C9: variants seen among roughly 807,000 people sequenced by gnomAD.
C9 encodes complement C9.
Under a neutral mutation model 65.4 loss-of-function variants are expected in C9, and 63 were observed. The observed-to-expected ratio is 0.96, with a 90% CI of 0.79 to 1.19. The LOEUF (loss-of-function observed/expected upper bound fraction) is 1.19, where lower values mean the gene tolerates loss of function less well. Among genes scored for constraint, C9 ranks in the 50% most tolerant of loss-of-function variants. The pLI, the probability that C9 is intolerant of heterozygous loss-of-function variation, is 0.00. For missense variants in C9, 744 were observed against 670.1 expected, an observed-to-expected ratio of 1.11 and a Z score of -1.22; for synonymous variants, 229 against 227.9, an observed-to-expected ratio of 1.00 and a Z score of -0.04.
intron 9 of C9, among the ~76,000 whole-genome samples, chr5:39,293,873 G>C (rs751642716): frequency 1.3e-5 from 2 of 151,828 alleles, no homozygotes; most frequent in Non-Finnish European, 2.9e-5. Context: ...AGACCACATG[G>C]AATAAAACCA....
chr5:39,358,970 G>A (rs1754461464), intron 1 of C9, among the ~76,000 whole-genome samples: 1 of 150,162 alleles, frequency 6.7e-6, no homozygotes, highest in Non-Finnish European at 1.5e-5. Context: ...GGGTGGCAGA[G>A]CGAGACTCCA....
At chr5:39,359,020 ATATAT>A (rs1490215925) in intron 1 of C9, among the ~76,000 whole-genome samples, 10 of 9,134 alleles carry the variant, frequency 1.1e-3, no homozygotes, top group Non-Finnish European at 1.8e-3. Context: ...AATAAAAAAT[ATATAT>A]ATATATATAT....
intron 4 of C9, among the ~76,000 whole-genome samples, chr5:39,339,791 C>G (rs1328771338): frequency 1.3e-5 from 2 of 151,040 alleles, no homozygotes; most frequent in African/African-American, 2.4e-5. Context: ...TCCCAAGTAG[C>G]TGGGACTACA....
intron 9 of C9, among the ~76,000 whole-genome samples, chr5:39,296,801 A>C (rs1347978910): frequency 1.3e-5 from 2 of 151,616 alleles, no homozygotes; most frequent in Non-Finnish European, 1.5e-5. Flanking sequence ...ATGGAACTGG[A>C]GGATATTATG....
At chr5:39,286,131 A>G (rs192339755) in intron 10 of C9, among the ~76,000 whole-genome samples, 1 of 152,222 alleles carries the variant, frequency 6.6e-6, no homozygotes, top group African/African-American at 2.4e-5. Flanking sequence ...TCTATGAAAC[A>G]CAACATATGG....
chr5:39,284,427 G>A lies in C9; in HGVS notation c.*772C>T, dbSNP rs1342803775. ...AACTCATAAGGCTAGGTATTAAGTT[G>A]GACTATATAAAATTGATGTTTTTTC... On this transcript the variant is annotated 3_prime_UTR_variant, in exon 11 of 11. Transcript: ENST00000263408. 1.3e-5 allele frequency: 2 copies of A among 151,840 alleles called. No homozygotes were observed. Among genetic ancestry groups the A allele is most frequent in the African/African-American group, 4.8e-5 (2 of 41,336 alleles). 9.4% of individuals were successfully genotyped at this position (151,840 alleles called of 1,614,324 possible).
At position 39,308,281 on chromosome 5, in the gene C9, C is replaced by A. The variant is rs758290425; in HGVS notation, c.1189G>T (p.Gly397Ter). ...VSLAFSEISV[G>*]AEFNKDDCVK... ...CAATCATCTTTATTAAATTCAGCTC[C>A]AACAGAGATTTCAGAGAAAGCCAGA... Residue 397 changes from glycine (G) to a stop codon, truncating the protein, a stop_gained, in exon 8 of 11, where the codon GGA becomes TGA. Coordinates refer to ENST00000263408, the MANE Select transcript of C9 (RefSeq NM_001737.5). LOFTEE classifies it high-confidence loss of function. 6.2e-7 allele frequency: 1 copy of A among 1,612,186 alleles called. No homozygotes were observed. Among genetic ancestry groups the A allele is most frequent in the Non-Finnish European group, 8.5e-7 (1 of 1,178,344 alleles).
intron 1 of C9, among the ~76,000 whole-genome samples, chr5:39,357,634 A>G (rs1358144450): frequency 2.0e-5 from 3 of 152,232 alleles, no homozygotes; most frequent in African/African-American, 7.2e-5. Context: ...AAAACAAAGC[A>G]GACCGGGTAA....
At chr5:39,340,772 G>T (rs1446197098) in intron 4 of C9, among the ~76,000 whole-genome samples, 1 of 152,128 alleles carries the variant, frequency 6.6e-6, no homozygotes, top group Admixed American at 6.5e-5. Context: ...GCAAATATTT[G>T]AATTGAATTG....
intron 8 of C9, 31 bp from the exon 9 acceptor site, chr5:39,306,823 CAGA>C (rs754804045): frequency 5.2e-6 from 8 of 1,539,354 alleles, no homozygotes; most frequent in African/African-American, 4.1e-5. Context: ...TAAAGAGAAG[CAGA>C]AGAAGTTTAA....
chr5:39,316,037 A>G lies in C9; in HGVS notation c.616-8T>C. 2 of 1,606,774 alleles carry G rather than the reference A, an allele frequency of 1.2e-6. No individual in the cohort carries two copies. The highest frequency in any genetic ancestry group is 1.7e-6 in the Non-Finnish European group (2 of 1,174,896). On this transcript the variant is annotated splice_region_variant and splice_polypyrimidine_tract_variant and intron_variant, in intron 5 of 10. Transcript: ENST00000263408. ...ATTTTTCTCGCCTTTGGTCTAAAAG[A>G]GAATAAAAAAGTGTTGTTAAAAACA...
At chr5:39,351,858 C>G (rs766902394) in intron 1 of C9, among the ~76,000 whole-genome samples, 1 of 152,144 alleles carries the variant, frequency 6.6e-6, no homozygotes, top group African/African-American at 2.4e-5. Context: ...CAACCTCTGC[C>G]TGTTACCCAG....
At chr5:39,352,813 C>A (rs1378649581) in intron 1 of C9, among the ~76,000 whole-genome samples, 1 of 151,902 alleles carries the variant, frequency 6.6e-6, no homozygotes, top group Non-Finnish European at 1.5e-5. Flanking sequence ...AGCTTCCCAC[C>A]ACTCTTGTGA....
chr5:39,304,520 A>T (rs1753339738), intron 9 of C9, among the ~76,000 whole-genome samples: 1 of 152,174 alleles, frequency 6.6e-6, no homozygotes, highest in Admixed American at 6.6e-5. Context: ...AATAACTTGG[A>T]ATCTAATTCA....
At chr5:39,322,960 A>G (rs2111911794) in intron 5 of C9, among the ~76,000 whole-genome samples, 1 of 152,222 alleles carries the variant, frequency 6.6e-6, no homozygotes, top group Admixed American at 6.5e-5. Flanking sequence ...CCTGGGACCA[A>G]TTCCTCATAG....
At chr5:39,292,014 G>T (rs1753105981) in intron 9 of C9, among the ~76,000 whole-genome samples, 1 of 151,772 alleles carries the variant, frequency 6.6e-6, no homozygotes, top group African/African-American at 2.4e-5. Flanking sequence ...GAGGTTATAA[G>T]AAGGGGTTGA....
At chr5:39,322,732 C>T (rs887372705) in intron 5 of C9, among the ~76,000 whole-genome samples, 1 of 152,084 alleles carries the variant, frequency 6.6e-6, no homozygotes, top group African/African-American at 2.4e-5. Flanking sequence ...GTTGGGCCTG[C>T]AATGGTTGCA....
chr5:39,300,666 A>C (rs2111863473), intron 9 of C9, among the ~76,000 whole-genome samples: 1 of 152,280 alleles, frequency 6.6e-6, no homozygotes, highest in South Asian at 2.1e-4. Flanking sequence ...TTGACCAAGA[A>C]AATGTAATAA....
rs187163473 is a variant in C9, at chr5:39,355,316, C to T, written c.77+9072G>A. 2.6e-4 allele frequency among the ~76,000 whole-genome samples: 39 copies of T among 152,294 alleles called. No individual in the cohort carries two copies. The East Asian group carries it at 5.2e-3, about 20-fold the overall frequency. On this transcript the variant is annotated intron_variant, in intron 1 of 10. Transcript: ENST00000263408. ...ACCAGGGCTATTCATCTTTCCCACACGTAAGTGACTAGACCCTGCTCCAAT... is the reference window on the plus strand; with the variant it reads ...ACCAGGGCTATTCATCTTTCCCACATGTAAGTGACTAGACCCTGCTCCAAT...
Sources: gnomAD v4.1 joint callset for allele counts (sites outside exome capture counted in the v4.1 genomes callset) on GRCh38, gnomAD v4.1.1 for gene constraint, MANE v1.5 for transcripts, NCBI Gene and HGNC (gene_info 2026-07-23, HGNC 2026-07-21) for gene names.